Variants in DLC1 observed in about 807,000 individuals in gnomAD.
DLC1 encodes the protein DLC1 Rho GTPase activating protein, also known as rho GTPase-activating protein 7.
In DLC1, 54 loss-of-function variants were observed where a neutral mutation model predicts 140.3. The observed-to-expected ratio is 0.38, with a 90% confidence interval of 0.31 to 0.48. DLC1 has a LOEUF of 0.48. Among genes scored for constraint, DLC1 ranks in the 20% least tolerant of loss-of-function variants. DLC1 has a pLI of 0.96. For missense variants in DLC1, 2,536 were observed against 1,907.0 expected (o/e 1.33, Z -6.14); for synonymous variants, 986 against 728.1 (o/e 1.35, Z -5.70).
chr8:13,352,860 A>G (rs1167143858), intron 4 of DLC1, among the ~76,000 whole-genome samples: 1 of 152,202 alleles, frequency 6.6e-6, no homozygotes, highest in African/African-American at 2.4e-5. Context: ...CCTACCAGGA[A>G]CACGAGTATT....
chr8:13,516,492 G>A (rs1017657526), upstream of DLC1, among the ~76,000 whole-genome samples: 1 of 151,976 alleles, frequency 6.6e-6, no homozygotes, highest in African/African-American at 2.4e-5. Context: ...TTCCTTATTA[G>A]GTAGCTAAAA....
chr8:13,343,840 T>C (rs544632566), intron 4 of DLC1, among the ~76,000 whole-genome samples: 3 of 152,280 alleles, frequency 2.0e-5, no homozygotes, highest in Admixed American at 6.5e-5. Context: ...TTTCTGGCCA[T>C]TGGTCTGAAA....
At chr8:13,480,952 G>C (rs898654845) in intron 2 of DLC1, among the ~76,000 whole-genome samples, 1 of 152,114 alleles carries the variant, frequency 6.6e-6, no homozygotes, top group Admixed American at 6.6e-5. Flanking sequence ...CTGAGCTGCA[G>C]TGTAGAATAT....
At chr8:13,238,463 C>T (rs1358416366) in intron 5 of DLC1, among the ~76,000 whole-genome samples, 1 of 151,710 alleles carries the variant, frequency 6.6e-6, no homozygotes, top group African/African-American at 2.4e-5. Flanking sequence ...CAGTGAGCCA[C>T]GTTCACGCCA....
chr8:13,254,165 C>G (rs1181413369), intron 5 of DLC1, among the ~76,000 whole-genome samples: 6 of 150,338 alleles, frequency 4.0e-5, no homozygotes, highest in African/African-American at 1.5e-4. Flanking sequence ...CACCCCAACC[C>G]GACCCCCTAA....
At chr8:13,284,139 A>G (rs1460951654) in intron 5 of DLC1, among the ~76,000 whole-genome samples, 1 of 152,246 alleles carries the variant, frequency 6.6e-6, no homozygotes, top group African/African-American at 2.4e-5. Flanking sequence ...AGCATTAGAT[A>G]TAATCCCCAG....
chr8:13,493,590 A>G (rs1801364133), intron 2 of DLC1, among the ~76,000 whole-genome samples: 2 of 152,334 alleles, frequency 1.3e-5, no homozygotes, highest in Admixed American at 1.3e-4. Flanking sequence ...TCTTCTAGCT[A>G]TTTGAAACTA....
At chr8:13,092,099 G>T (rs1026550186) in intron 13 of DLC1, among the ~76,000 whole-genome samples, 1 of 152,118 alleles carries the variant, frequency 6.6e-6, no homozygotes, top group African/African-American at 2.4e-5. Flanking sequence ...ATAAAAATTA[G>T]CTGGGCGTGG....
At chr8:13,217,925 C>A (rs144196244) in intron 5 of DLC1, among the ~76,000 whole-genome samples, 272 of 152,020 alleles carry the variant, frequency 1.8e-3, no homozygotes, top group African/African-American at 5.9e-3. Context: ...CAAGGGCTTG[C>A]GTCCTCTTTG....
chr8:13,372,666 G>A (rs1284009622), intron 4 of DLC1, among the ~76,000 whole-genome samples: 1 of 152,034 alleles, frequency 6.6e-6, no homozygotes, highest in Non-Finnish European at 1.5e-5. Context: ...TCATCTTTGT[G>A]AGTAAAAAGG....
intron 5 of DLC1, among the ~76,000 whole-genome samples, chr8:13,119,226 T>TA (rs757073542): frequency 0.022 from 2,608 of 119,684 alleles, 68 homozygotes; most frequent in African/African-American, 0.061. Flanking sequence ...AGACCCTGTC[T>TA]AAAAAAAAAA....
chr8:13,316,863 A>G (rs189083687), intron 4 of DLC1, among the ~76,000 whole-genome samples: 55 of 152,268 alleles, frequency 3.6e-4, no homozygotes, highest in Non-Finnish European at 4.3e-4. Context: ...GTCCCTGTAT[A>G]ACTAATCCCT....
At chr8:13,392,193 A>C (rs145735539) in intron 4 of DLC1, among the ~76,000 whole-genome samples, 1 of 152,168 alleles carries the variant, frequency 6.6e-6, no homozygotes. Context: ...ATGCAGTATT[A>C]TCATAGCTTG....
At chr8:13,270,548 T>C (rs1830888964) in intron 5 of DLC1, among the ~76,000 whole-genome samples, 1 of 152,144 alleles carries the variant, frequency 6.6e-6, no homozygotes, top group South Asian at 2.1e-4. Flanking sequence ...ATATCGTATA[T>C]CTAGCTTGAC....
chr8:13,440,514 A>C (rs1398617805), intron 2 of DLC1, among the ~76,000 whole-genome samples: 1 of 152,144 alleles, frequency 6.6e-6, no homozygotes, highest in Non-Finnish European at 1.5e-5. Flanking sequence ...AATTTTGGTA[A>C]AGATATGAAG....
chr8:13,178,605 A>G (rs539294616), intron 5 of DLC1, among the ~76,000 whole-genome samples: 1 of 150,568 alleles, frequency 6.6e-6, no homozygotes, highest in Non-Finnish European at 1.5e-5. Context: ...ACTGTTCTAT[A>G]TTAACTTCTA....
chr8:13,396,303 T>C (rs1221752676), intron 3 of DLC1, among the ~76,000 whole-genome samples: 2 of 152,052 alleles, frequency 1.3e-5, no homozygotes, highest in Non-Finnish European at 2.9e-5. Flanking sequence ...TCGTGATCCG[T>C]CCGTCTCAGC....
At chr8:13,343,336 A>T (rs1834163759) in intron 4 of DLC1, among the ~76,000 whole-genome samples, 1 of 152,206 alleles carries the variant, frequency 6.6e-6, no homozygotes, top group Admixed American at 6.5e-5. Context: ...AACAGCATGT[A>T]CAGGGGCTGT....
chr8:13,086,488 A>C (rs1817573405), intron 16 of DLC1, 25 bp from the exon 17 acceptor site: 3 of 1,602,650 alleles, frequency 1.9e-6, no homozygotes, highest in Non-Finnish European at 1.7e-6. Flanking sequence ...CCAGAGGCAG[A>C]AATGATGGAA....
Sources: allele counts gnomAD v4.1 joint callset (sites outside exome capture counted in the v4.1 genomes callset), GRCh38; gene constraint gnomAD v4.1.1; transcripts MANE v1.5; gene names NCBI Gene and HGNC (gene_info 2026-07-23, HGNC 2026-07-21).